ANK2: variants seen among roughly 807,000 people sequenced by gnomAD.
ANK2 encodes ankyrin-2.
A neutral mutation model predicts 360.5 loss-of-function variants in ANK2; 83 were observed. That is an observed-to-expected ratio of 0.23 (90% CI 0.19 to 0.28). ANK2 has a LOEUF of 0.28. Among genes scored for constraint, ANK2 ranks in the 10% least tolerant of loss-of-function variants. The pLI is 1.00. For missense variants in ANK2, 4,201 were observed against 4,795.7 expected, an observed-to-expected ratio of 0.88 and a Z score of 3.66; for synonymous variants, 1,740 against 1,759.5, an observed-to-expected ratio of 0.99 and a Z score of 0.28.
intron 2 of ANK2, among the ~76,000 whole-genome samples, chr4:112,936,430 C>T (rs1171688194): frequency 6.6e-6 from 1 of 151,980 alleles, no homozygotes; most frequent in South Asian, 2.1e-4. Flanking sequence ...ACTGCAGCCT[C>T]CGCCTCCGGC....
chr4:113,012,184 T>A (rs2054973838), intron 2 of ANK2, among the ~76,000 whole-genome samples: 1 of 152,186 alleles, frequency 6.6e-6, no homozygotes. Context: ...AGAAGGTAAT[T>A]GGTTTTTATT....
At chr4:112,847,626 C>T (rs979644176) in intron 1 of ANK2, among the ~76,000 whole-genome samples, 1 of 152,136 alleles carries the variant, frequency 6.6e-6, no homozygotes, top group Non-Finnish European at 1.5e-5. Context: ...TAATGACCTT[C>T]CATTTGCCAC....
At chr4:113,327,144 C>G (rs979645089) in intron 26 of ANK2, among the ~76,000 whole-genome samples, 2 of 152,192 alleles carry the variant, frequency 1.3e-5, no homozygotes, top group African/African-American at 4.8e-5. Context: ...GTAAATTTAT[C>G]TGCTTGCAGC....
chr4:112,745,253 A>G, the ANK2 span, among the ~76,000 whole-genome samples: 1 of 152,190 alleles, frequency 6.6e-6, no homozygotes. Context: ...ATTCCGACAT[A>G]AAAACTATCA....
intron 1 of ANK2, among the ~76,000 whole-genome samples, chr4:113,113,413 A>G (rs1249044051): frequency 1.3e-5 from 2 of 152,174 alleles, no homozygotes; most frequent in Non-Finnish European, 1.5e-5. Flanking sequence ...TGATGTCTGC[A>G]GAGGATTTTC....
At chr4:113,089,528 T>C (rs1301504849) in intron 1 of ANK2, among the ~76,000 whole-genome samples, 3 of 152,202 alleles carry the variant, frequency 2.0e-5, no homozygotes, top group Non-Finnish European at 2.9e-5. Flanking sequence ...ATTTCATCAA[T>C]TAAAAAAGCA....
chr4:113,117,278 T>G (rs1267950104), intron 1 of ANK2: 4 of 455,800 alleles, frequency 8.8e-6, no homozygotes, highest in Non-Finnish European at 1.3e-5. Flanking sequence ...TTCTGCTGAT[T>G]TCCTCTGCAA....
intron 20 of ANK2, 89 bp downstream of exon 20, chr4:113,288,575 A>AT: frequency 8.9e-7 from 1 of 1,126,470 alleles, no homozygotes; most frequent in Non-Finnish European, 1.3e-6. Flanking sequence ...CTACAAGTGT[A>AT]TTTTTTTCTT....
At chr4:112,739,000 C>T in the ANK2 span, 5 of 662,266 alleles carry the variant, frequency 7.5e-6, no homozygotes, top group South Asian at 1.4e-5. Context: ...GTGCTGAGGT[C>T]GCTCACAAAA....
In ANK2 at chr4:112,998,685, G is replaced by A. The variant is rs1252174778; in HGVS notation, c.21+94171G>A. On this transcript the variant is annotated intron_variant, in intron 2 of 30. Transcript: ENST00000503271. ...TGGTTAAATAAATTTGGGAAAGTGT[G>A]TTAAATAAAGTTAAGCAGATTCATC... 2.6e-5 allele frequency among the ~76,000 whole-genome samples: 4 copies of A among 152,296 alleles called. No homozygotes were observed. In the East Asian group the frequency reaches 7.7e-4, roughly 29 times the overall value.
chr4:113,059,153 A>G (rs894477980), intron 1 of ANK2, among the ~76,000 whole-genome samples: 9 of 152,188 alleles, frequency 5.9e-5, no homozygotes, highest in African/African-American at 2.2e-4. Flanking sequence ...AAGCCATTGC[A>G]TTGGTGATTA....
intron 1 of ANK2, among the ~76,000 whole-genome samples, chr4:113,153,426 C>A (rs1364772098): frequency 6.6e-6 from 1 of 151,864 alleles, no homozygotes; most frequent in East Asian, 1.9e-4. Flanking sequence ...TTTTGAAAAC[C>A]ACTGGTTGTT....
At chr4:113,067,842 G>A (rs1201542560) in intron 1 of ANK2, among the ~76,000 whole-genome samples, 1 of 152,202 alleles carries the variant, frequency 6.6e-6, no homozygotes, top group Admixed American at 6.5e-5. Context: ...AAAGTTGCTA[G>A]TGTTCCAAAA....
chr4:112,946,847 G>A (rs1281453443), intron 2 of ANK2, among the ~76,000 whole-genome samples: 1 of 152,208 alleles, frequency 6.6e-6, no homozygotes, highest in Non-Finnish European at 1.5e-5. Flanking sequence ...AAGCTAGAAA[G>A]TAGTAATGTT....
chr4:112,785,195 A>T, the ANK2 span, among the ~76,000 whole-genome samples: 23 of 152,194 alleles, frequency 1.5e-4, no homozygotes, highest in South Asian at 4.2e-4. Flanking sequence ...GTTGGTGGGA[A>T]TATTTAACCT....
At chr4:112,712,917 A>G in the ANK2 span, among the ~76,000 whole-genome samples, 1 of 152,106 alleles carries the variant, frequency 6.6e-6, no homozygotes, top group East Asian at 1.9e-4. Context: ...ACTGACAAAT[A>G]CTTAAGAGTC....
At chr4:112,922,950 AAAGAT>A (rs1484206878) in intron 2 of ANK2, among the ~76,000 whole-genome samples, 1 of 152,234 alleles carries the variant, frequency 6.6e-6, no homozygotes, top group Non-Finnish European at 1.5e-5. Context: ...TCTTAAAAGA[AAAGAT>A]AATATCTTAC....
At chr4:113,219,884 C>A (rs362474) in intron 4 of ANK2, among the ~76,000 whole-genome samples, 7,590 of 152,108 alleles carry the variant, frequency 0.05, 633 homozygotes, top group African/African-American at 0.17. Context: ...AACTAGGATA[C>A]CTTCAATCAC....
At chr4:112,989,423 AT>A in intron 2 of ANK2, among the ~76,000 whole-genome samples, 1 of 152,234 alleles carries the variant, frequency 6.6e-6, no homozygotes, top group Non-Finnish European at 1.5e-5. Flanking sequence ...CATAATATTT[AT>A]CTACCAAATT....
Sources: gnomAD v4.1 joint callset for allele counts (sites outside exome capture counted in the v4.1 genomes callset) on GRCh38, gnomAD v4.1.1 for gene constraint, MANE v1.5 for transcripts, NCBI Gene and HGNC (gene_info 2026-07-23, HGNC 2026-07-21) for gene names.